GJC1: variants seen among roughly 807,000 people sequenced by gnomAD.
GJC1 encodes the protein gap junction gamma-1 protein.
Under a neutral mutation model 29.3 loss-of-function variants are expected in GJC1, and 5 were observed. The ratio of observed to expected loss-of-function variants is 0.17; its 90% CI spans 0.09 to 0.36. The LOEUF (loss-of-function observed/expected upper bound fraction) is 0.36. GJC1 is among the 10% of genes least tolerant of loss of function. The pLI is 1.00. For missense variants in GJC1, 310 were observed against 496.2 expected (o/e 0.62, Z 3.56); for synonymous variants, 177 against 183.3 (o/e 0.97, Z 0.28).
intron 1 of GJC1, among the ~76,000 whole-genome samples, chr17:44,816,689 A>G (rs1305067306): frequency 2.0e-5 from 3 of 151,894 alleles, no homozygotes; most frequent in African/African-American, 7.3e-5. Flanking sequence ...TATTTTTAGT[A>G]GAGATGAGGT....
intron 1 of GJC1, among the ~76,000 whole-genome samples, chr17:44,829,083 C>T (rs113660539): frequency 1.7e-3 from 258 of 150,908 alleles, no homozygotes; most frequent in African/African-American, 6.0e-3. Context: ...CTTATTCAAA[C>T]TTAACTTACT....
chr17:44,795,322 GC>G (rs1157654467), downstream of GJC1, among the ~76,000 whole-genome samples: 4 of 152,080 alleles, frequency 2.6e-5, no homozygotes, highest in African/African-American at 9.7e-5. Flanking sequence ...CTGCCCTCCT[GC>G]CCCAGATTCA....
rs377281380 is a variant in GJC1 at position 44,805,629 on chromosome 17, G to T, written c.189C>A (p.Val63=). The change falls in exon 3 of 3, where the codon GTC becomes GTA. Residue 63 remains valine (V), a synonymous_variant. Coordinates refer to ENST00000592524, the MANE Select transcript of GJC1 (RefSeq NM_005497.4). The surrounding 1 kb of genome is among the most constrained non-coding windows in gnomAD (Gnocchi z 5.1). ...CNTEQPGCEN[V]CYDAFAPLSH... ...AGAGAGGTGCAAACGCATCATAACA[G>T]ACATTCTCACAGCCCGGCTGTTCTG... 4 of 1,614,096 alleles carry T rather than the reference G, an allele frequency of 2.5e-6. No homozygotes were observed. The highest frequency in any genetic ancestry group is 1.1e-5 in the South Asian group (1 of 91,092).
At chr17:44,794,798 G>A (rs1165978338), downstream of GJC1, 5 of 152,212 alleles carry the variant, frequency 3.3e-5, no homozygotes, top group African/African-American at 9.6e-5. Context: ...ATGGCCCCAG[G>A]AGAGCCAGGC....
intron 1 of GJC1, among the ~76,000 whole-genome samples, chr17:44,821,697 C>CAAAAAAAAAAAAAAAAAAAAAAA (rs61303163): frequency 8.6e-5 from 5 of 58,370 alleles, no homozygotes; most frequent in African/African-American, 3.9e-4. Context: ...AACTCCGTCT[C>CAAAAAAAAAAAAAAAAAAAAAAA]AAAAAAAAAA....
At chr17:44,795,998 G>A (rs749607488), downstream of GJC1, among the ~76,000 whole-genome samples, 1 of 152,212 alleles carries the variant, frequency 6.6e-6, no homozygotes, top group South Asian at 2.1e-4. Context: ...GCCGCTTGGC[G>A]GCCCGGGCTC....
At position 44,802,810 on chromosome 17, in the gene GJC1, CAT is replaced by C. The variant is rs2049866570; in HGVS notation, c.*1815_*1816del. ...AAAAGTTCGAGACCAGCCTGGGTAACATAGTGAGACCTCATCTCTACAAAAAA... is the reference window on the plus strand; with the variant it reads ...AAAAGTTCGAGACCAGCCTGGGTAACAGTGAGACCTCATCTCTACAAAAAA... On this transcript the variant is annotated 3_prime_UTR_variant, in exon 3 of 3. Transcript: ENST00000592524. The C allele has an allele frequency of 1.3e-5, 2 of 152,174 alleles. No homozygotes were observed. Among genetic ancestry groups the C allele is most frequent in the Admixed American group, 1.3e-4 (2 of 15,274 alleles). 9.4% of individuals were successfully genotyped at this position (152,174 alleles called of 1,614,324 possible). A position where few individuals can be genotyped will look rare whatever the true frequency, so the allele number is the denominator to read the frequency against.
intron 1 of GJC1, among the ~76,000 whole-genome samples, chr17:44,811,941 T>C (rs2049987542): frequency 6.6e-6 from 1 of 151,186 alleles, no homozygotes; most frequent in African/African-American, 2.4e-5. Context: ...AGGCAGAGGT[T>C]GCAGTGAGCC....
At chr17:44,810,473 A>G (rs2049965687) in intron 1 of GJC1, among the ~76,000 whole-genome samples, 1 of 152,210 alleles carries the variant, frequency 6.6e-6, no homozygotes, top group African/African-American at 2.4e-5. Context: ...TAAGCTGCAG[A>G]CGTGGAAAAT....
At position 44,803,601 on chromosome 17, in the gene GJC1, T is replaced by C. The variant is rs1408955436; in HGVS notation, c.*1026A>G. On this transcript the variant is annotated 3_prime_UTR_variant, in exon 3 of 3. Transcript: ENST00000592524. ...CATTTCCAATACAAGTAGCTTTGAG[T>C]ATTCTTGGTTGACAAGGGAATGTTT... 1 of 152,216 alleles carries C rather than the reference T, an allele frequency of 6.6e-6. No individual in the cohort carries two copies. The highest frequency in any genetic ancestry group is 1.5e-5 in the Non-Finnish European group (1 of 68,044). 9.4% of individuals were successfully genotyped at this position (152,216 alleles called of 1,614,324 possible).
downstream of GJC1, chr17:44,798,310 G>T (rs1000945602): frequency 2.0e-5 from 3 of 152,186 alleles, no homozygotes; most frequent in South Asian, 6.2e-4. Context: ...AGAGATTTTC[G>T]TATTAGCTTT....
intron 1 of GJC1, among the ~76,000 whole-genome samples, chr17:44,829,104 T>G (rs2050203663): frequency 6.6e-6 from 1 of 151,372 alleles, no homozygotes; most frequent in Non-Finnish European, 1.5e-5. Context: ...CGATTTCACA[T>G]CGTCTTGATG....
chr17:44,814,149 ATTATTTT>A (rs1484766032), intron 1 of GJC1, among the ~76,000 whole-genome samples: 2 of 151,682 alleles, frequency 1.3e-5, no homozygotes, highest in African/African-American at 4.8e-5. Context: ...AACCATTATT[ATTATTTT>A]TTGAGACAGA....
At chr17:44,796,873 G>A (rs895032463), downstream of GJC1, among the ~76,000 whole-genome samples, 9 of 151,690 alleles carry the variant, frequency 5.9e-5, no homozygotes, top group Non-Finnish European at 1.0e-4. Context: ...ACAGGGTCTC[G>A]CTCTTGCTCT....
chr17:44,825,443 G>A lies in GJC1; in HGVS notation c.-97+4619C>T, dbSNP rs573368023. Among the ~76,000 whole-genome samples the A allele has an allele frequency of 1.7e-4, 26 of 152,014 alleles. No homozygotes were observed. In the South Asian group the frequency reaches 3.1e-3, roughly 18 times the overall value. On this transcript the variant is annotated intron_variant, in intron 1 of 2. Transcript: ENST00000592524. ...AGAGGTTGCGGTGAGCCGAGATTGC[G>A]CGACTGCACTCCAGCCTAGGCAACA... is the stretch of plus-strand genomic sequence containing the variant.
At chr17:44,821,185 AG>A (rs1424919062) in intron 1 of GJC1, among the ~76,000 whole-genome samples, 1 of 152,184 alleles carries the variant, frequency 6.6e-6, no homozygotes, top group Non-Finnish European at 1.5e-5. Flanking sequence ...AACCTGGGAT[AG>A]GGATAATATA....
Position 44,826,349 on chromosome 17 carries a change from G to A in GJC1, c.-97+3713C>T, listed in dbSNP as rs148282375. On this transcript the variant is annotated intron_variant, in intron 1 of 2. Coordinates refer to ENST00000592524, the MANE Select transcript of GJC1 (RefSeq NM_005497.4). ...AGATCGAGACCATCCTGGTTAACAC[G>A]ATGAAACAGTCTCTACTAAAAATAC... is the stretch of plus-strand genomic sequence containing the variant. 4.0e-3 allele frequency among the ~76,000 whole-genome samples: 601 copies of A among 152,082 alleles called. 5 individuals carry two copies. Among genetic ancestry groups the A allele is most frequent in the African/African-American group, 0.014 (589 of 41,484 alleles).
upstream of GJC1, chr17:44,830,571 AG>A (rs1327079872): frequency 4.0e-5 from 16 of 398,300 alleles, no homozygotes; most frequent in East Asian, 5.7e-4. The surrounding 1 kb of genome is among the most constrained non-coding windows in gnomAD (Gnocchi z 4.3). Context: ...TTTTCGGGCG[AG>A]AGTCCCCCGC....
chr17:44,810,780 A>T lies in GJC1; in HGVS notation c.-96-3311T>A, dbSNP rs568384438. Among the ~76,000 whole-genome samples, 15 of 145,556 alleles carry T rather than the reference A, an allele frequency of 1.0e-4. No individual in the cohort carries two copies. In the South Asian group the frequency reaches 2.4e-3, roughly 24 times the overall value. ...ATACTGGATGGACATCAATTAATTC[A>T]TTTTTTTTTTTTAAACAGGGTCTCG... On this transcript the variant is annotated intron_variant, in intron 1 of 2. Transcript: ENST00000592524.
Sources: allele counts gnomAD v4.1 joint callset (sites outside exome capture counted in the v4.1 genomes callset), GRCh38; gene constraint gnomAD v4.1.1; non-coding constraint Gnocchi (gnomAD v3.1); transcripts MANE v1.5; gene names NCBI Gene and HGNC (gene_info 2026-07-23, HGNC 2026-07-21).